FNDC3A: variants seen among roughly 807,000 people sequenced by gnomAD.
FNDC3A encodes fibronectin type-III domain-containing protein 3A.
In FNDC3A, 32 loss-of-function variants were observed where a neutral mutation model predicts 148.9. The observed-to-expected ratio is 0.21, with a 90% CI of 0.16 to 0.29. The LOEUF (loss-of-function observed/expected upper bound fraction) is 0.29, where lower values mean the gene tolerates loss of function less well. Ranked by LOEUF, FNDC3A falls within the 10% of genes least tolerant of loss-of-function variation. The pLI is 1.00. For synonymous variants in FNDC3A, 472 were observed against 473.6 expected (o/e 1.00, Z 0.04); for missense variants, 1,191 against 1,452.8 (o/e 0.82, Z 2.93).
intron 1 of FNDC3A, among the ~76,000 whole-genome samples, chr13:48,994,398 T>G (rs1053220031): frequency 6.6e-6 from 1 of 152,226 alleles, no homozygotes; most frequent in Non-Finnish European, 1.5e-5. Flanking sequence ...ATTTGATGAT[T>G]TAAGGAATTA....
intron 2 of FNDC3A, chr13:49,045,795 T>C: frequency 5.1e-6 from 2 of 394,104 alleles, no homozygotes; most frequent in Non-Finnish European, 9.4e-6. Context: ...CAGTCCTTTT[T>C]TTTTTTTTTT....
At chr13:49,170,455 G>A (rs1884696735) in intron 10 of FNDC3A, among the ~76,000 whole-genome samples, 1 of 152,120 alleles carries the variant, frequency 6.6e-6, no homozygotes, top group South Asian at 2.1e-4. Context: ...GTTGAGAGAG[G>A]TATCTTATTA....
At chr13:48,986,393 T>G (rs969515066) in intron 1 of FNDC3A, among the ~76,000 whole-genome samples, 4 of 108,562 alleles carry the variant, frequency 3.7e-5, no homozygotes, top group African/African-American at 1.4e-4. Flanking sequence ...TTGTTTTTTT[T>G]TTTTTTTTTT....
intron 3 of FNDC3A, among the ~76,000 whole-genome samples, chr13:49,078,382 A>G (rs1407828): frequency 1 from 151,658 of 152,322 alleles, 75,504 homozygotes; most frequent in Middle Eastern, 1. Context: ...AACTACCATG[A>G]GAAGATATTT....
At chr13:49,013,414 A>C (rs559919976) in intron 2 of FNDC3A, among the ~76,000 whole-genome samples, 2 of 152,148 alleles carry the variant, frequency 1.3e-5, no homozygotes, top group East Asian at 3.9e-4. Flanking sequence ...TTTAGGGTAC[A>C]TGTGCACAAT....
chr13:49,108,332 T>C (rs1252079750), intron 3 of FNDC3A, among the ~76,000 whole-genome samples: 2 of 152,282 alleles, frequency 1.3e-5, no homozygotes, highest in East Asian at 3.9e-4. Context: ...TGTATGCACA[T>C]ATGCCGTGAT....
rs944658460 is a variant in FNDC3A at position 49,178,447 on chromosome 13, G to A, written c.1531-121G>A. Reference sequence around the variant, plus strand: ...CGAGGTGAGGATTCCACTCAACAGAGCATTAGTCATATTGCACATAGTAGA... The same window carrying A: ...CGAGGTGAGGATTCCACTCAACAGAACATTAGTCATATTGCACATAGTAGA... On this transcript the variant is annotated intron_variant, in intron 13 of 25. Coordinates refer to ENST00000492622, the MANE Select transcript of FNDC3A (RefSeq NM_001079673.2). 3 of 646,880 alleles carry A rather than the reference G, an allele frequency of 4.6e-6. No homozygotes were observed. The African/African-American group carries it at 5.7e-5, about 12-fold the overall frequency. The allele number at this position is 646,880 out of a possible 1,614,324, so 40.1% of individuals were successfully genotyped here. A position where few individuals can be genotyped will look rare whatever the true frequency, so the allele number is the denominator to read the frequency against.
chr13:49,114,684 A>G lies in FNDC3A; in HGVS notation c.205A>G (p.Asn69Asp), dbSNP rs1402679536. 3 of 1,613,404 alleles carry G rather than the reference A, an allele frequency of 1.9e-6. No homozygotes were observed. Among genetic ancestry groups the G allele is most frequent in the African/African-American group, 1.3e-5 (1 of 75,028 alleles). The change falls in exon 4 of 26, where the codon AAT (asparagine) becomes GAT (aspartate). Residue 69 changes from asparagine (N) to aspartate (D), a missense_variant. Physicochemically the swap from Asn to Asp is conservative, Grantham distance 23 (BLOSUM62 1). Transcript: ENST00000492622. The stretch of plus-strand genomic sequence containing the variant: ...TGCTCAGGTTCCAATGATGTCCCCA[A>G]ATGGTTCTGTGCCTCCTATCTATGT... ...GPAQVPMMSP[N>D]GSVPPIYVPP...
chr13:49,090,835 A>G (rs1446422446), intron 3 of FNDC3A, among the ~76,000 whole-genome samples: 1 of 151,996 alleles, frequency 6.6e-6, no homozygotes, highest in Non-Finnish European at 1.5e-5. Context: ...CTACTACTGA[A>G]AATTTTTTAA....
At chr13:49,152,789 A>G (rs1384353293) in intron 8 of FNDC3A, among the ~76,000 whole-genome samples, 23 of 150,910 alleles carry the variant, frequency 1.5e-4, no homozygotes, top group Non-Finnish European at 2.8e-4. Flanking sequence ...TGTTCTTGCG[A>G]TAGTTTACTG....
chr13:49,185,871 G>A (rs1045353588), intron 14 of FNDC3A, 93 bp from the exon 15 acceptor site: 3 of 949,394 alleles, frequency 3.2e-6, no homozygotes, highest in Non-Finnish European at 4.9e-6. Flanking sequence ...TTATCATTTG[G>A]TTGAAGCTGT....
intron 3 of FNDC3A, among the ~76,000 whole-genome samples, chr13:49,082,371 G>A (rs940278266): frequency 6.6e-6 from 1 of 152,012 alleles, no homozygotes; most frequent in Non-Finnish European, 1.5e-5. Context: ...GGGTGACAGA[G>A]TAAGACTCCA....
rs145025172 is a variant in FNDC3A, at chr13:49,111,682, C to T, written c.176-2973C>T. 1.7e-4 allele frequency among the ~76,000 whole-genome samples: 25 copies of T among 149,766 alleles called. 1 individual carries two copies. The East Asian group carries it at 3.7e-3, about 22-fold the overall frequency. On this transcript the variant is annotated intron_variant, in intron 3 of 25. Transcript: ENST00000492622. ...AAGAGGTTGCATTGAGCTGAGATAG[C>T]GCCACTGCACTCCAGCCTGGGCAAC... is the stretch of plus-strand genomic sequence containing the variant.
chr13:49,127,935 G>A (rs931147722), intron 4 of FNDC3A, among the ~76,000 whole-genome samples: 3 of 151,876 alleles, frequency 2.0e-5, no homozygotes, highest in Non-Finnish European at 4.4e-5. Flanking sequence ...AGGCTGGAGT[G>A]CAGCAGCACA....
chr13:49,057,209 G>A (rs1380360237), intron 2 of FNDC3A, among the ~76,000 whole-genome samples: 3 of 152,150 alleles, frequency 2.0e-5, no homozygotes, highest in African/African-American at 7.2e-5. Flanking sequence ...TGAATTCCTG[G>A]AAGAGACTTT....
intron 7 of FNDC3A, among the ~76,000 whole-genome samples, chr13:49,144,352 A>G (rs1566280819): frequency 6.6e-6 from 1 of 152,194 alleles, no homozygotes; most frequent in Non-Finnish European, 1.5e-5. Context: ...GTGATTTAAC[A>G]GAAGCAAAAT....
chr13:48,983,320 T>C (rs1951729198), intron 1 of FNDC3A, among the ~76,000 whole-genome samples: 1 of 152,230 alleles, frequency 6.6e-6, no homozygotes, highest in South Asian at 2.1e-4. Flanking sequence ...CTGTAATGTA[T>C]ATATATTTTT....
intron 4 of FNDC3A, among the ~76,000 whole-genome samples, chr13:49,122,603 C>T (rs959145033): frequency 2.6e-5 from 4 of 152,080 alleles, no homozygotes; most frequent in South Asian, 4.1e-4. Flanking sequence ...AAAACCCCAT[C>T]GTCTCAGCCC....
At chr13:48,981,595 TA>T (rs1323273859) in intron 1 of FNDC3A, among the ~76,000 whole-genome samples, 1 of 152,090 alleles carries the variant, frequency 6.6e-6, no homozygotes, top group African/African-American at 2.4e-5. Context: ...TATACTTGCT[TA>T]TTTTTAAAAT....
Sources: allele counts gnomAD v4.1 joint callset (sites outside exome capture counted in the v4.1 genomes callset), GRCh38; gene constraint gnomAD v4.1.1; transcripts MANE v1.5; gene names NCBI Gene and HGNC (gene_info 2026-07-23, HGNC 2026-07-21).